The following RSBN1 variants were observed in gnomAD, a reference collection of about 807,000 sequenced individuals.
RSBN1 encodes lysine-specific demethylase 9.
RSBN1 carries 23 observed loss-of-function variants against 74.8 expected under a neutral mutation model. The ratio of observed to expected loss-of-function variants is 0.31; its 90% CI spans 0.22 to 0.44. RSBN1 has a LOEUF of 0.44. Among genes scored for constraint, RSBN1 ranks in the 20% least tolerant of loss-of-function variants. The probability of loss-of-function intolerance (pLI) is 1.00; values close to 1 mark genes in which losing one functional copy is unlikely to be tolerated. For missense variants in RSBN1, 808 were observed against 1,020.9 expected (o/e 0.79, Z 2.84); for synonymous variants, 407 against 379.6 (o/e 1.07, Z -0.84).
Position 113,812,368 on chromosome 1 carries a change from C to T in RSBN1, c.45G>A (p.Glu15=), listed in dbSNP as rs767462895. Reference sequence around the variant, plus strand: ...TGCCCGCTGGGCATTGGAGTCTCTCCTCCGCCCTCCACTTGTCGGCCGTTC... The same window carrying T: ...TGCCCGCTGGGCATTGGAGTCTCTCTTCCGCCCTCCACTTGTCGGCCGTTC... ...GRRTADKWRA[E]ERLQCPAGSA... Residue 15 remains glutamate (E), a synonymous_variant, in exon 1 of 7, where the codon GAG becomes GAA. Coordinates refer to ENST00000261441, the MANE Select transcript of RSBN1 (RefSeq NM_018364.5). 5 of 1,602,730 alleles carry T rather than the reference C, an allele frequency of 3.1e-6. No individual in the cohort carries two copies. Among genetic ancestry groups the T allele is most frequent in the Non-Finnish European group, 4.2e-6 (5 of 1,179,240 alleles).
chr1:113,767,327 T>C (rs1659800290), intron 5 of RSBN1, 120 bp from the exon 6 acceptor site: 1 of 519,268 alleles, frequency 1.9e-6, no homozygotes. Flanking sequence ...GCATAGTTTC[T>C]AAGGACTAGG....
intron 1 of RSBN1, among the ~76,000 whole-genome samples, chr1:113,807,486 G>A (rs967012875): frequency 1.1e-4 from 16 of 151,998 alleles, no homozygotes; most frequent in South Asian, 8.3e-4. Flanking sequence ...AGGGCCGGGC[G>A]CAGTGGCTCA....
Position 113,812,397 on chromosome 1 carries a change from G to T in RSBN1, c.16C>A (p.Arg6=), listed in dbSNP as rs371081081. MFISG[R]RTADKWRAEE... ...GCCCTCCACTTGTCGGCCGTTCTTCGTCCAGAGATGAACATGCCGGAAGCG... is the reference window on the plus strand; with the variant it reads ...GCCCTCCACTTGTCGGCCGTTCTTCTTCCAGAGATGAACATGCCGGAAGCG... The change falls in exon 1 of 7, where the codon CGA becomes AGA. Residue 6 remains arginine (R), a synonymous_variant. Transcript: ENST00000261441. The T allele has an allele frequency of 1.3e-6, 2 of 1,599,574 alleles. No homozygotes were observed. Among genetic ancestry groups the T allele is most frequent in the Admixed American group, 1.7e-5 (1 of 59,518 alleles).
At position 113,798,385 on chromosome 1, in the gene RSBN1, C is replaced by T. The variant is rs1660514837; in HGVS notation, c.704-349G>A. The stretch of plus-strand genomic sequence containing the variant: ...TAGCTAAATATGATGATTCTGAAAT[C>T]TATGTAACAACATAGATTCTTTTGT... On this transcript the variant is annotated intron_variant, in intron 1 of 6. Coordinates refer to ENST00000261441, the MANE Select transcript of RSBN1 (RefSeq NM_018364.5). Among the ~76,000 whole-genome samples, 3 of 152,222 alleles carry T rather than the reference C, an allele frequency of 2.0e-5. No homozygotes were observed. The South Asian group carries it at 6.2e-4, about 32-fold the overall frequency.
Position 113,773,430 on chromosome 1 carries a change from A to G in RSBN1, c.1658+3780T>C, listed in dbSNP as rs368899966. Among the ~76,000 whole-genome samples, 18 of 152,346 alleles carry G rather than the reference A, an allele frequency of 1.2e-4. No individual in the cohort carries two copies. In the East Asian group the frequency reaches 2.3e-3, roughly 20 times the overall value. ...TCCCAGCTACCTGGGAGGCTGAGGCATGAGATCACTTGAACCCGGGAGGCA... is the reference window on the plus strand; with the variant it reads ...TCCCAGCTACCTGGGAGGCTGAGGCGTGAGATCACTTGAACCCGGGAGGCA... On this transcript the variant is annotated intron_variant, in intron 4 of 6. Transcript: ENST00000261441.
intron 1 of RSBN1, among the ~76,000 whole-genome samples, chr1:113,805,443 A>G (rs1397589879): frequency 1.3e-5 from 2 of 152,132 alleles, no homozygotes; most frequent in African/African-American, 4.8e-5. Context: ...CACATAGGTA[A>G]CCTCCAGTTT....
chr1:113,809,604 G>A (rs1482073603), intron 1 of RSBN1, among the ~76,000 whole-genome samples: 1 of 152,172 alleles, frequency 6.6e-6, no homozygotes, highest in Non-Finnish European at 1.5e-5. Context: ...TTTCTCAAAT[G>A]TATTTGACCA....
At chr1:113,801,667 C>T (rs896478383) in intron 1 of RSBN1, among the ~76,000 whole-genome samples, 1 of 152,156 alleles carries the variant, frequency 6.6e-6, no homozygotes, top group African/African-American at 2.4e-5. Flanking sequence ...TTATTGACTA[C>T]AGTTCTTTAC....
Position 113,765,821 on chromosome 1 carries a change from T to C in RSBN1, c.*159A>G, listed in dbSNP as rs1659767847. ...ATACAACTCTTAACTTTGCATAATC[T>C]GTGTAAAAAAGATATGCTTGACATT... On this transcript the variant is annotated 3_prime_UTR_variant, in exon 7 of 7. Transcript: ENST00000261441. The C allele has an allele frequency of 1.6e-6, 1 of 623,704 alleles. No individual in the cohort carries two copies. The allele number at this position is 623,704 out of a possible 1,614,324, so 38.6% of individuals were successfully genotyped here.
At chr1:113,788,533 T>C (rs987620456) in intron 2 of RSBN1, among the ~76,000 whole-genome samples, 1 of 152,164 alleles carries the variant, frequency 6.6e-6, no homozygotes. Flanking sequence ...TTCTGAAAGC[T>C]TCCAGAGAGA....
chr1:113,797,878 T>C lies in RSBN1; in HGVS notation c.862A>G (p.Ile288Val), dbSNP rs778434720. 2.5e-6 allele frequency: 4 copies of C among 1,613,924 alleles called. No homozygotes were observed. The highest frequency in any genetic ancestry group is 1.3e-5 in the African/African-American group (1 of 74,890). Residue 288 changes from isoleucine (I) to valine (V), a missense_variant, in exon 2 of 7, where the codon ATC (isoleucine) becomes GTC (valine). Ile to Val is a conservative substitution (Grantham distance 29). Around this residue, in one of 6 missense-constraint regions of RSBN1, gnomAD observed 464 missense variants for 401.0 expected, o/e 1.16. Coordinates refer to ENST00000261441, the MANE Select transcript of RSBN1 (RefSeq NM_018364.5). Reference sequence around the variant, plus strand: ...CCTTGGGTGAGAATTTCTTTACTGATGCGGGTCAGGCCAGCACAGACGGTT... The same window carrying C: ...CCTTGGGTGAGAATTTCTTTACTGACGCGGGTCAGGCCAGCACAGACGGTT... ...VQTVCAGLTR[I>V]SKEILTQGQI...
chr1:113,799,512 A>C (rs1571308915), intron 1 of RSBN1, among the ~76,000 whole-genome samples: 1 of 151,472 alleles, frequency 6.6e-6, no homozygotes, highest in African/African-American at 2.4e-5. Context: ...TATTCCCAGA[A>C]AGAAGAAAAG....
rs1271421764 is a variant in RSBN1, at chr1:113,761,963, CTG to C, written c.*4015_*4016del. The C allele has an allele frequency of 3.3e-5, 5 of 152,554 alleles. No individual in the cohort carries two copies. The highest frequency in any genetic ancestry group is 1.9e-4 in the East Asian group (1 of 5,332). 9.5% of individuals were successfully genotyped at this position (152,554 alleles called of 1,614,324 possible). Reference sequence around the variant, plus strand: ...ACACTTAGACAGCTACAAAAAAGCACTGTGTTAAAAGGATTATTCACACAAAT... The same window carrying C: ...ACACTTAGACAGCTACAAAAAAGCACTGTTAAAAGGATTATTCACACAAAT... On this transcript the variant is annotated 3_prime_UTR_variant, in exon 7 of 7. Transcript: ENST00000261441.
At chr1:113,811,672 G>C (rs377649194) in intron 1 of RSBN1, 38 bp downstream of exon 1, 6 of 1,541,860 alleles carry the variant, frequency 3.9e-6, no homozygotes, top group East Asian at 4.6e-5. Flanking sequence ...AACTGAGAGA[G>C]ACCTAGAACC....
chr1:113,782,268 A>G (rs1046124772), intron 2 of RSBN1, among the ~76,000 whole-genome samples: 17 of 152,242 alleles, frequency 1.1e-4, no homozygotes, highest in Non-Finnish European at 1.9e-4. Flanking sequence ...ACGAAAGTAC[A>G]TAACATTTAC....
rs76130986 is a variant in RSBN1 at position 113,764,615 on chromosome 1, A to T, written c.*1365T>A. The T allele has an allele frequency of 1.1e-4, 15 of 133,114 alleles. No individual in the cohort carries two copies. The highest frequency in any genetic ancestry group is 1.6e-4 in the African/African-American group (6 of 36,610). 8.2% of individuals were successfully genotyped at this position (133,114 alleles called of 1,614,324 possible). A position where few individuals can be genotyped will look rare whatever the true frequency, so the allele number is the denominator to read the frequency against. On this transcript the variant is annotated 3_prime_UTR_variant, in exon 7 of 7. Transcript: ENST00000261441. ...CAGACATAATAAAGCAGCATCTTGTATTTTTTTTTTTTTTTGCCTATGTTA... is the reference window on the plus strand; with the variant it reads ...CAGACATAATAAAGCAGCATCTTGTTTTTTTTTTTTTTTTTGCCTATGTTA...
intron 1 of RSBN1, among the ~76,000 whole-genome samples, chr1:113,807,420 G>A (rs1001358211): frequency 6.6e-6 from 1 of 151,374 alleles, no homozygotes; most frequent in Non-Finnish European, 1.5e-5. Flanking sequence ...CAAAGAAGCT[G>A]CACCTGTGAT....
intron 4 of RSBN1, among the ~76,000 whole-genome samples, chr1:113,771,786 CAAG>C (rs1659888459): frequency 1.5e-5 from 1 of 67,256 alleles, no homozygotes; most frequent in South Asian, 5.1e-4. Flanking sequence ...TTAGGATGGT[CAAG>C]AAAAGTTTAT....
Position 113,766,229 on chromosome 1 carries a change from C to T in RSBN1, c.2160G>A (p.Met720Ile). Residue 720 changes from methionine (M) to isoleucine (I), a missense_variant, in exon 7 of 7, where the codon ATG (methionine) becomes ATA (isoleucine). Physicochemically the swap from Met to Ile is conservative, Grantham distance 10. Transcript: ENST00000261441. ...ATQNTESNSNMDCGLTGKREL... is the reference protein window; with the variant it reads ...ATQNTESNSNIDCGLTGKREL... Reference sequence around the variant, plus strand: ...CTCGCTTTCCAGTTAAACCACAGTCCATGTTAGAATTGCTTTCTGTGTTTT... The same window carrying T: ...CTCGCTTTCCAGTTAAACCACAGTCTATGTTAGAATTGCTTTCTGTGTTTT... 1 of 1,614,078 alleles carries T rather than the reference C, an allele frequency of 6.2e-7. No homozygotes were observed. The highest frequency in any genetic ancestry group is 8.5e-7 in the Non-Finnish European group (1 of 1,179,964).
Sources: allele counts gnomAD v4.1 joint callset (sites outside exome capture counted in the v4.1 genomes callset), GRCh38; gene constraint gnomAD v4.1.1; regional missense constraint gnomAD v4.1.1; transcripts MANE v1.5; gene names NCBI Gene and HGNC (gene_info 2026-07-23, HGNC 2026-07-21).